Variants in MAP3K5 observed in about 807,000 individuals in gnomAD.
The protein encoded by MAP3K5 is ASK-1.
A neutral mutation model predicts 158.7 loss-of-function variants in MAP3K5; 56 were observed. That is an observed-to-expected ratio of 0.35 (90% CI 0.28 to 0.44). The LOEUF is 0.44. Ranked by LOEUF, MAP3K5 falls within the 20% of genes least tolerant of loss-of-function variation. The probability of loss-of-function intolerance (pLI) is 1.00; values close to 1 mark genes in which losing one functional copy is unlikely to be tolerated. For missense variants in MAP3K5, 1,294 were observed against 1,674.8 expected (o/e 0.77, Z 3.97); for synonymous variants, 579 against 601.7 (o/e 0.96, Z 0.55).
At chr6:136,591,101 C>T (rs573661826) in intron 23 of MAP3K5, among the ~76,000 whole-genome samples, 18 of 152,316 alleles carry the variant, frequency 1.2e-4, no homozygotes, top group Non-Finnish European at 1.8e-4. Flanking sequence ...CCTGCCGCCA[C>T]GTAAGATGTG....
Position 136,725,768 on chromosome 6 carries a change from G to A in MAP3K5, c.449-5179C>T, listed in dbSNP as rs953843757. Among the ~76,000 whole-genome samples, 11 of 152,110 alleles carry A rather than the reference G, an allele frequency of 7.2e-5. No individual in the cohort carries two copies. In the South Asian group the frequency reaches 1.0e-3, roughly 14 times the overall value. On this transcript the variant is annotated intron_variant, in intron 1 of 29. Coordinates refer to ENST00000359015, the MANE Select transcript of MAP3K5 (RefSeq NM_005923.4). ...GTGTGGTATTGAAAAAAATCTTTGC[G>A]TAACCCAAGGTCACAAAAGTTTTCT...
intron 7 of MAP3K5, among the ~76,000 whole-genome samples, chr6:136,673,809 C>T (rs1259342675): frequency 1.3e-5 from 2 of 150,998 alleles, no homozygotes; most frequent in Non-Finnish European, 3.0e-5. Context: ...ACTGTAGCCC[C>T]AGAAAGAGAA....
At chr6:136,684,101 T>C (rs987293736) in intron 7 of MAP3K5, among the ~76,000 whole-genome samples, 2 of 152,016 alleles carry the variant, frequency 1.3e-5, no homozygotes, top group African/African-American at 4.8e-5. Context: ...CATGGCGGCA[T>C]ACACCTGTGG....
At chr6:136,769,285 G>A (rs1784081188) in intron 1 of MAP3K5, among the ~76,000 whole-genome samples, 2 of 152,180 alleles carry the variant, frequency 1.3e-5, no homozygotes, top group African/African-American at 2.4e-5. Context: ...CCACTTCTAA[G>A]AAATACCTAG....
intron 24 of MAP3K5, among the ~76,000 whole-genome samples, chr6:136,583,237 G>GTGTT (rs1430862267): frequency 6.6e-6 from 1 of 152,162 alleles, no homozygotes; most frequent in Non-Finnish European, 1.5e-5. Context: ...TGACTAAAGT[G>GTGTT]TGTTACGTTG....
chr6:136,686,814 G>A (rs923936396), intron 7 of MAP3K5, among the ~76,000 whole-genome samples: 1 of 152,170 alleles, frequency 6.6e-6, no homozygotes, highest in Non-Finnish European at 1.5e-5. Flanking sequence ...CTCATGGATA[G>A]GAAGGATCAA....
intron 1 of MAP3K5, among the ~76,000 whole-genome samples, chr6:136,725,074 T>G (rs1462090810): frequency 6.6e-6 from 1 of 152,220 alleles, no homozygotes; most frequent in East Asian, 1.9e-4. Context: ...CTTAGCAAAA[T>G]GCATGTGAGA....
chr6:136,786,927 C>T (rs1296061682), intron 1 of MAP3K5, among the ~76,000 whole-genome samples: 1 of 151,884 alleles, frequency 6.6e-6, no homozygotes, highest in African/African-American at 2.4e-5. Flanking sequence ...ACCTCAACCT[C>T]CCGAGTAGCT....
chr6:136,597,073 AAG>A (rs1300326335), intron 21 of MAP3K5, among the ~76,000 whole-genome samples: 1 of 152,186 alleles, frequency 6.6e-6, no homozygotes, highest in Non-Finnish European at 1.5e-5. Flanking sequence ...GCTGACCACG[AAG>A]AGTCTAAAAG....
intron 3 of MAP3K5, among the ~76,000 whole-genome samples, chr6:136,702,463 T>C (rs1026745205): frequency 1.8e-4 from 28 of 152,206 alleles, no homozygotes; most frequent in African/African-American, 5.3e-4. Context: ...AAACCCATAG[T>C]TTGAAATAGC....
At chr6:136,586,255 G>A (rs1775134997) in intron 23 of MAP3K5, among the ~76,000 whole-genome samples, 1 of 152,236 alleles carries the variant, frequency 6.6e-6, no homozygotes. Context: ...GAAGAAAAAT[G>A]TGAGTTATGC....
chr6:136,600,410 T>C (rs1775823850), intron 21 of MAP3K5, among the ~76,000 whole-genome samples: 1 of 151,942 alleles, frequency 6.6e-6, no homozygotes, highest in Non-Finnish European at 1.5e-5. Flanking sequence ...CCCAGGCTGG[T>C]ATTGAATTCC....
At chr6:136,583,033 T>G (rs1774958799) in intron 24 of MAP3K5, among the ~76,000 whole-genome samples, 1 of 152,254 alleles carries the variant, frequency 6.6e-6, no homozygotes, top group Admixed American at 6.5e-5. Context: ...CTCTGTACTC[T>G]GAAAGTATAC....
At chr6:136,610,270 G>A (rs1357418171) in intron 18 of MAP3K5, among the ~76,000 whole-genome samples, 1 of 152,044 alleles carries the variant, frequency 6.6e-6, no homozygotes, top group South Asian at 2.1e-4. Flanking sequence ...TAACTGTTGG[G>A]CAGTCATGAA....
In MAP3K5 at chr6:136,632,322, G is replaced by A. The variant is rs530183874; in HGVS notation, c.2016+5003C>T. 2.6e-5 allele frequency among the ~76,000 whole-genome samples: 4 copies of A among 152,198 alleles called. No individual in the cohort carries two copies. In the South Asian group the frequency reaches 8.3e-4, roughly 32 times the overall value. ...GATCACTTGAGGTCAGGAATTCAAA[G>A]CCAGCCTGGCCAACATGGTGAAACT... is the stretch of plus-strand genomic sequence containing the variant. On this transcript the variant is annotated intron_variant, in intron 14 of 29. Coordinates refer to ENST00000359015, the MANE Select transcript of MAP3K5 (RefSeq NM_005923.4).
intron 25 of MAP3K5, among the ~76,000 whole-genome samples, chr6:136,575,534 T>C (rs527974587): frequency 6.6e-6 from 1 of 152,360 alleles, no homozygotes; most frequent in South Asian, 2.1e-4. Flanking sequence ...AATGTCCTTT[T>C]TCTGATCAAG....
In MAP3K5 at chr6:136,567,665, C is replaced by A; in HGVS notation, c.3727G>T (p.Val1243Leu). 2 of 1,614,190 alleles carry A rather than the reference C, an allele frequency of 1.2e-6. No individual in the cohort carries two copies. Among genetic ancestry groups the A allele is most frequent in the Non-Finnish European group, 1.7e-6 (2 of 1,180,030 alleles). The change falls in exon 26 of 30, where the codon GTA (valine) becomes TTA (leucine). Residue 1243 changes from valine (V) to leucine (L), a missense_variant. By Grantham distance (32) the Val-to-Leu change is conservative. This residue lies in a region of MAP3K5 where 199 missense variants were observed against 220.3 expected (regional missense o/e 0.90). Transcript: ENST00000359015. ...DSQSAHRSLN[V>L]QLGRMKIETN... ...TCTATTTTCATCCTTCCAAGCTGTA[C>A]ATTCAGTGACCGGTGAGCACTCTGG...
intron 18 of MAP3K5, among the ~76,000 whole-genome samples, chr6:136,606,152 A>G (rs1264567758): frequency 2.0e-5 from 3 of 152,198 alleles, no homozygotes; most frequent in Non-Finnish European, 4.4e-5. Context: ...GGAGTTTGAG[A>G]CCAGCCTGGC....
At chr6:136,731,000 C>T (rs1782200406) in intron 1 of MAP3K5, among the ~76,000 whole-genome samples, 1 of 152,156 alleles carries the variant, frequency 6.6e-6, no homozygotes, top group East Asian at 1.9e-4. Flanking sequence ...AAATCTACAA[C>T]CACACGTGAC....
Sources: allele counts gnomAD v4.1 joint callset (sites outside exome capture counted in the v4.1 genomes callset), GRCh38; gene constraint gnomAD v4.1.1; regional missense constraint gnomAD v4.1.1; transcripts MANE v1.5; gene names NCBI Gene and HGNC (gene_info 2026-07-23, HGNC 2026-07-21).